Variants in CDH6 observed in about 807,000 individuals in gnomAD.
CDH6 encodes the protein cadherin-6.
Under a neutral mutation model 78.0 loss-of-function variants are expected in CDH6, and 31 were observed. The ratio of observed to expected loss-of-function variants is 0.40; its 90% CI spans 0.30 to 0.54. The LOEUF is 0.54. Among genes scored for constraint, CDH6 ranks in the 20% least tolerant of loss-of-function variants. CDH6 has a pLI of 0.56. For synonymous variants in CDH6, 376 were observed against 368.8 expected (o/e 1.02, Z -0.23); for missense variants, 724 against 975.9 (o/e 0.74, Z 3.44).
chr5:31,197,117 G>GT (rs1355363026), intron 1 of CDH6, among the ~76,000 whole-genome samples: 2 of 152,090 alleles, frequency 1.3e-5, no homozygotes, highest in Non-Finnish European at 2.9e-5. Flanking sequence ...ACATCCAAAA[G>GT]CTGTTTAGAT....
intron 6 of CDH6, among the ~76,000 whole-genome samples, chr5:31,302,955 G>GAAAGAA (rs1390790947): frequency 8.2e-6 from 1 of 122,398 alleles, no homozygotes; most frequent in African/African-American, 2.8e-5. Context: ...AAGAAAGAAA[G>GAAAGAA]AAGGAAAGAA....
chr5:31,233,928 T>C (rs1741386012), intron 1 of CDH6, among the ~76,000 whole-genome samples: 2 of 152,348 alleles, frequency 1.3e-5, no homozygotes, highest in East Asian at 1.9e-4. Context: ...GTAAATTCCA[T>C]GAGGCAGGAC....
At chr5:31,259,186 C>T (rs1026963370) in intron 1 of CDH6, among the ~76,000 whole-genome samples, 9 of 152,108 alleles carry the variant, frequency 5.9e-5, no homozygotes, top group Non-Finnish European at 8.8e-5. Context: ...TGATAAAAGA[C>T]GTACATATAT....
rs185493991 is a variant in CDH6 at position 31,260,814 on chromosome 5, C to T, written c.-128-6532C>T. Among the ~76,000 whole-genome samples the T allele has an allele frequency of 4.6e-5, 7 of 152,214 alleles. No homozygotes were observed. In the East Asian group the frequency reaches 5.8e-4, roughly 13 times the overall value. ...AGTGGAGTTCATTACACACACGAAA[C>T]GGAACCAATTTTACTCAACAGTGAC... On this transcript the variant is annotated intron_variant, in intron 1 of 11. Transcript: ENST00000265071.
At chr5:31,295,758 A>G (rs1231837713) in intron 3 of CDH6, among the ~76,000 whole-genome samples, 1 of 152,136 alleles carries the variant, frequency 6.6e-6, no homozygotes, top group Non-Finnish European at 1.5e-5. Flanking sequence ...AAATTATTTG[A>G]TTTCTCTGAT....
Position 31,327,711 on chromosome 5 carries a change from T to C in CDH6, c.*4403T>C, listed in dbSNP as rs75748058. The C allele has an allele frequency of 5.8e-3, 1,190 of 205,638 alleles. 19 individuals are homozygous for C. Among genetic ancestry groups the C allele is most frequent in the East Asian group, 0.046 (617 of 13,378 alleles). 12.7% of individuals were successfully genotyped at this position (205,638 alleles called of 1,614,324 possible). A position where few individuals can be genotyped will look rare whatever the true frequency, so the allele number is the denominator to read the frequency against. On this transcript the variant is annotated 3_prime_UTR_variant, in exon 12 of 12. Coordinates refer to ENST00000265071, the MANE Select transcript of CDH6 (RefSeq NM_004932.4). ...CTCCTTAAATGTTTAGTAGCTCTTA[T>C]GGTCACAGCATTTTTAATCTCCCTA...
chr5:31,251,737 T>A (rs1433678746), intron 1 of CDH6: 1 of 152,210 alleles, frequency 6.6e-6, no homozygotes, highest in African/African-American at 2.4e-5. Flanking sequence ...CTCCCTTAGA[T>A]CATTGAACAA....
chr5:31,299,693 A>G, intron 5 of CDH6, 62 bp downstream of exon 5: 2 of 1,411,160 alleles, frequency 1.4e-6, no homozygotes, highest in Non-Finnish European at 9.9e-7. Flanking sequence ...AACTTTAAGA[A>G]TTTTTATTTT....
intron 1 of CDH6, among the ~76,000 whole-genome samples, chr5:31,244,014 G>A (rs1741678057): frequency 6.6e-6 from 1 of 152,098 alleles, no homozygotes; most frequent in South Asian, 2.1e-4. Flanking sequence ...TTGTTTTTAT[G>A]GCCAAATCAA....
chr5:31,196,655 CTAAGCACTATCT>C (rs2111759981), intron 1 of CDH6, among the ~76,000 whole-genome samples: 1 of 152,254 alleles, frequency 6.6e-6, no homozygotes, highest in South Asian at 2.1e-4. Context: ...TTAGTATTCT[CTAAGCACTATCT>C]TAATATTTGT....
chr5:31,214,189 A>T (rs1740800575), intron 1 of CDH6, among the ~76,000 whole-genome samples: 1 of 151,884 alleles, frequency 6.6e-6, no homozygotes, highest in Admixed American at 6.6e-5. Flanking sequence ...AACCAGACAC[A>T]CTGGGCAAAG....
chr5:31,195,572 A>G (rs1740142254), intron 1 of CDH6, among the ~76,000 whole-genome samples: 1 of 152,192 alleles, frequency 6.6e-6, no homozygotes, highest in African/African-American at 2.4e-5. Flanking sequence ...CTATGCTTGC[A>G]TTTTAGAGAA....
rs555737431 is a variant in CDH6 at position 31,315,488 on chromosome 5, A to T, written c.1391-720A>T. 2.0e-5 allele frequency among the ~76,000 whole-genome samples: 3 copies of T among 152,362 alleles called. No individual in the cohort carries two copies. In the South Asian group the frequency reaches 6.2e-4, roughly 32 times the overall value. On this transcript the variant is annotated intron_variant, in intron 8 of 11. Coordinates refer to ENST00000265071, the MANE Select transcript of CDH6 (RefSeq NM_004932.4). ...TCTGTCTTCCATACTGTGCTAGAAGATTATCACAGAAGGCAACCAAAATAC... is the reference window on the plus strand; with the variant it reads ...TCTGTCTTCCATACTGTGCTAGAAGTTTATCACAGAAGGCAACCAAAATAC...
chr5:31,237,142 T>G (rs1249021139), intron 1 of CDH6, among the ~76,000 whole-genome samples: 1 of 151,740 alleles, frequency 6.6e-6, no homozygotes, highest in Non-Finnish European at 1.5e-5. Flanking sequence ...GGCAGGTTAA[T>G]GTAAGGAATA....
chr5:31,281,968 A>T (rs1006490500), intron 2 of CDH6, among the ~76,000 whole-genome samples: 1 of 152,178 alleles, frequency 6.6e-6, no homozygotes, highest in Non-Finnish European at 1.5e-5. Flanking sequence ...TCATTGTGAG[A>T]ATTAATGCAT....
chr5:31,222,014 T>G (rs1741016234), intron 1 of CDH6, among the ~76,000 whole-genome samples: 1 of 152,202 alleles, frequency 6.6e-6, no homozygotes, highest in South Asian at 2.1e-4. Flanking sequence ...TAGAATGTGT[T>G]AGCTTGCCTT....
chr5:31,313,928 A>T (rs1441899319), intron 8 of CDH6, among the ~76,000 whole-genome samples: 1 of 152,228 alleles, frequency 6.6e-6, no homozygotes, highest in Non-Finnish European at 1.5e-5. Flanking sequence ...ATTAAGAGAG[A>T]TAAATTATCA....
chr5:31,217,424 G>T (rs1307162871), intron 1 of CDH6, among the ~76,000 whole-genome samples: 1 of 152,048 alleles, frequency 6.6e-6, no homozygotes, highest in Non-Finnish European at 1.5e-5. Context: ...ATTCTCATCA[G>T]TCTTACCAGA....
rs112792043 is a variant in CDH6, at chr5:31,201,209, T to C, written c.-129+7323T>C. Among the ~76,000 whole-genome samples, 173 of 152,306 alleles carry C rather than the reference T, an allele frequency of 1.1e-3. 1 individual carries two copies. The highest frequency in any genetic ancestry group is 2.0e-3 in the Non-Finnish European group (139 of 68,018). The stretch of plus-strand genomic sequence containing the variant: ...CGGTGAAGATAAGGATGTAGGCTTC[T>C]TTAAGAATTTTGTGTGTTCCTACAT... On this transcript the variant is annotated intron_variant, in intron 1 of 11. Coordinates refer to ENST00000265071, the MANE Select transcript of CDH6 (RefSeq NM_004932.4).
Sources: gnomAD v4.1 joint callset for allele counts (sites outside exome capture counted in the v4.1 genomes callset) on GRCh38, gnomAD v4.1.1 for gene constraint, MANE v1.5 for transcripts, NCBI Gene and HGNC (gene_info 2026-07-23, HGNC 2026-07-21) for gene names.